Variants in IMMP2L observed in about 807,000 individuals in gnomAD.
The protein encoded by IMMP2L is inner mitochondrial membrane peptidase subunit 2.
A neutral mutation model predicts 19.3 loss-of-function variants in IMMP2L; 18 were observed. The observed-to-expected ratio is 0.93, with a 90% CI of 0.64 to 1.38. IMMP2L has a LOEUF of 1.38. IMMP2L is among the 40% of genes most tolerant of loss of function. IMMP2L has a pLI of 0.00. For synonymous variants in IMMP2L, 76 were observed against 73.0 expected, an observed-to-expected ratio of 1.04 and a Z score of -0.21; for missense variants, 233 against 218.2, an observed-to-expected ratio of 1.07 and a Z score of -0.43.
At chr7:111,413,782 G>A (rs1413668366) in intron 3 of IMMP2L, among the ~76,000 whole-genome samples, 1 of 143,686 alleles carries the variant, frequency 7.0e-6, no homozygotes, top group East Asian at 1.9e-4. Context: ...GCTAGACCCT[G>A]TATCTTTTCT....
chr7:111,491,089 T>A (rs1347191059), intron 2 of IMMP2L, among the ~76,000 whole-genome samples: 4 of 152,130 alleles, frequency 2.6e-5, no homozygotes, highest in Non-Finnish European at 5.9e-5. Flanking sequence ...ACAGTGAGGA[T>A]GAAGTCCTTT....
At chr7:111,108,261 A>C (rs1798773334) in intron 3 of IMMP2L, among the ~76,000 whole-genome samples, 2 of 152,098 alleles carry the variant, frequency 1.3e-5, no homozygotes, top group African/African-American at 4.8e-5. Flanking sequence ...AGTACTTAAC[A>C]CTCAATTATA....
intron 3 of IMMP2L, among the ~76,000 whole-genome samples, chr7:111,012,523 G>C (rs1361317903): frequency 1.3e-5 from 2 of 151,930 alleles, no homozygotes; most frequent in Non-Finnish European, 2.9e-5. Flanking sequence ...TATTAACATA[G>C]GGGCAAATGA....
chr7:111,040,152 A>C (rs1195092162), intron 3 of IMMP2L, among the ~76,000 whole-genome samples: 2 of 152,168 alleles, frequency 1.3e-5, no homozygotes, highest in African/African-American at 4.8e-5. Context: ...CTGGGTGACA[A>C]GACCAAAACT....
intron 4 of IMMP2L, among the ~76,000 whole-genome samples, chr7:110,938,723 C>T (rs1463092933): frequency 1.3e-5 from 2 of 151,904 alleles, no homozygotes; most frequent in Non-Finnish European, 2.9e-5. Flanking sequence ...CTTTTACCCC[C>T]TAAATCTACA....
rs150007120 is a variant in IMMP2L at position 111,123,183 on chromosome 7, C to T, written c.240-159618G>A. On this transcript the variant is annotated intron_variant, in intron 3 of 5. Transcript: ENST00000405709. The surrounding 1 kb of genome is among the most constrained non-coding windows in gnomAD (Gnocchi z 6.4). Reference sequence around the variant, plus strand: ...CTGAACTGCCTGAAAAATGTCTGTCCGAACTGAGCAACTTACAAGAACTCT... The same window carrying T: ...CTGAACTGCCTGAAAAATGTCTGTCTGAACTGAGCAACTTACAAGAACTCT... 3.4e-4 allele frequency: 550 copies of T among 1,613,792 alleles called. No homozygotes were observed. The highest frequency in any genetic ancestry group is 4.3e-4 in the Non-Finnish European group (509 of 1,179,958).
chr7:111,322,539 CTCCAGG>C (rs1344956877), intron 3 of IMMP2L, among the ~76,000 whole-genome samples: 2 of 151,092 alleles, frequency 1.3e-5, no homozygotes, highest in Non-Finnish European at 3.0e-5. Context: ...GTAGAGAAAT[CTCCAGG>C]TCCCAAAAAA....
intron 3 of IMMP2L, among the ~76,000 whole-genome samples, chr7:111,167,949 C>T (rs913702624): frequency 6.6e-6 from 1 of 151,894 alleles, no homozygotes; most frequent in Non-Finnish European, 1.5e-5. Context: ...AGATCTCTGC[C>T]TACCAACCTA....
In IMMP2L at chr7:110,790,567, G is replaced by A. The variant is rs116155169; in HGVS notation, c.408+96026C>T. The stretch of plus-strand genomic sequence containing the variant: ...ATACAGGATGTATCTACTTTTCAAC[G>A]TAGAGCTGAACAGACATGATAGCTT... On this transcript the variant is annotated intron_variant, in intron 5 of 5. Transcript: ENST00000405709. Among the ~76,000 whole-genome samples, 896 of 151,782 alleles carry A rather than the reference G, an allele frequency of 5.9e-3. 34 individuals carry two copies. The highest frequency in any genetic ancestry group is 0.02 in the African/African-American group (823 of 41,192).
At chr7:111,053,928 C>G (rs955662742) in intron 3 of IMMP2L, among the ~76,000 whole-genome samples, 2 of 151,902 alleles carry the variant, frequency 1.3e-5, no homozygotes, top group African/African-American at 4.8e-5. Flanking sequence ...TAACCAAGTT[C>G]TTTATGGTAG....
chr7:110,953,677 T>C (rs892224668), intron 4 of IMMP2L, among the ~76,000 whole-genome samples: 3 of 152,132 alleles, frequency 2.0e-5, no homozygotes, highest in Non-Finnish European at 2.9e-5. Flanking sequence ...CCTTTGGGTA[T>C]ATACCCAGGA....
rs1798988716 is a variant in IMMP2L at position 111,109,853 on chromosome 7, G to C, written c.240-146288C>G. The stretch of plus-strand genomic sequence containing the variant: ...GAAAGGGCCCTTAAAAAGTCTTCAG[G>C]GGCTGGGCGCGGTGGCTCATGCCTG... On this transcript the variant is annotated intron_variant, in intron 3 of 5. Transcript: ENST00000405709. Among the ~76,000 whole-genome samples the C allele has an allele frequency of 2.0e-5, 3 of 152,252 alleles. No individual in the cohort carries two copies. In the South Asian group the frequency reaches 6.2e-4, roughly 32 times the overall value.
chr7:110,916,397 CTA>C (rs1813617751), intron 4 of IMMP2L, among the ~76,000 whole-genome samples: 1 of 152,158 alleles, frequency 6.6e-6, no homozygotes, highest in South Asian at 2.1e-4. Context: ...TCTGGTGTTT[CTA>C]TGTCTTCCAA....
intron 5 of IMMP2L, among the ~76,000 whole-genome samples, chr7:110,820,861 C>T (rs944874708): frequency 6.6e-6 from 1 of 152,000 alleles, no homozygotes; most frequent in Non-Finnish European, 1.5e-5. Flanking sequence ...TTGAACACAC[C>T]TTTTCAACTT....
chr7:111,071,967 TAA>T (rs1255710115), intron 3 of IMMP2L, among the ~76,000 whole-genome samples: 1 of 151,860 alleles, frequency 6.6e-6, no homozygotes, highest in Non-Finnish European at 1.5e-5. Flanking sequence ...TACCATCCAC[TAA>T]AAAAATGAGG....
At position 110,757,467 on chromosome 7, in the gene IMMP2L, T is replaced by A. The variant is rs1480234820; in HGVS notation, c.409-93746A>T. 6.6e-6 allele frequency among the ~76,000 whole-genome samples: 1 copy of A among 152,108 alleles called. No homozygotes were observed. Among genetic ancestry groups the A allele is most frequent in the Non-Finnish European group, 1.5e-5 (1 of 68,016 alleles). On this transcript the variant is annotated intron_variant, in intron 5 of 5. Transcript: ENST00000405709. This position sits in a 1 kb window ranked among gnomAD's most constrained non-coding sequence, Gnocchi z 4.2. ...TGGATCACCAGATACGCTCTCCACA[T>A]TTCTCTTGAACTCTTTGTCCCAGGA...
chr7:111,237,958 G>A (rs1814534950), intron 3 of IMMP2L, among the ~76,000 whole-genome samples: 1 of 151,968 alleles, frequency 6.6e-6, no homozygotes, highest in Admixed American at 6.6e-5. Flanking sequence ...TGCACAAAGA[G>A]CACCTAACAT....
chr7:111,148,305 G>A (rs1307793375), intron 3 of IMMP2L, among the ~76,000 whole-genome samples: 11 of 152,024 alleles, frequency 7.2e-5, no homozygotes, highest in African/African-American at 2.2e-4. Flanking sequence ...GTGAAAACAG[G>A]CAAATCTATA....
chr7:111,453,441 T>C (rs113132740), intron 3 of IMMP2L, among the ~76,000 whole-genome samples: 36 of 152,314 alleles, frequency 2.4e-4, no homozygotes, highest in African/African-American at 7.7e-4. Context: ...TAGAAACAGA[T>C]TGAGAGACGC....
Sources: allele counts gnomAD v4.1 joint callset (sites outside exome capture counted in the v4.1 genomes callset), GRCh38; gene constraint gnomAD v4.1.1; non-coding constraint Gnocchi (gnomAD v3.1); transcripts MANE v1.5; gene names NCBI Gene and HGNC (gene_info 2026-07-23, HGNC 2026-07-21).